The following LYSMD2 variants were observed in gnomAD, a reference collection of about 807,000 sequenced individuals.
LYSMD2 encodes lysM and putative peptidoglycan-binding domain-containing protein 2.
LYSMD2 carries 6 observed loss-of-function variants against 17.7 expected under a neutral mutation model. The ratio of observed to expected loss-of-function variants is 0.34; its 90% CI spans 0.19 to 0.67. The LOEUF (loss-of-function observed/expected upper bound fraction) is 0.67. LYSMD2 is among the 30% of genes least tolerant of loss of function. The pLI is 0.69. For missense variants in LYSMD2, 237 were observed against 286.7 expected (o/e 0.83, Z 1.25); for synonymous variants, 102 against 129.8 (o/e 0.79, Z 1.45).
chr15:51,737,222 C>T lies in LYSMD2; in HGVS notation c.273+128G>A, dbSNP rs1337156444. The T allele has an allele frequency of 1.4e-6, 1 of 695,788 alleles. No individual in the cohort carries two copies. The allele number at this position is 695,788 out of a possible 1,614,324, so 43.1% of individuals were successfully genotyped here. On this transcript the variant is annotated intron_variant, in intron 1 of 2. Coordinates refer to ENST00000267838, the MANE Select transcript of LYSMD2 (RefSeq NM_153374.3). The surrounding 1 kb of genome is among the most constrained non-coding windows in gnomAD (Gnocchi z 4.2). ...GCCGAGCCGCCCGGGGACGCACGGC[C>T]GTCCCTGCGACTCCCCATCCCCCAA... is the stretch of plus-strand genomic sequence containing the variant.
At chr15:51,735,999 A>G (rs892817336) in intron 1 of LYSMD2, among the ~76,000 whole-genome samples, 6 of 152,248 alleles carry the variant, frequency 3.9e-5, no homozygotes, top group Admixed American at 1.3e-4. Context: ...ATCAAAAGTA[A>G]TATCTAGAGG....
chr15:51,728,280 G>A (rs754924874), intron 1 of LYSMD2, among the ~76,000 whole-genome samples: 7 of 151,264 alleles, frequency 4.6e-5, no homozygotes, highest in South Asian at 2.1e-4. Flanking sequence ...TTAGCCAGGC[G>A]TGGTGGCGCA....
At chr15:51,732,065 C>T (rs2055580632) in intron 1 of LYSMD2, among the ~76,000 whole-genome samples, 1 of 152,188 alleles carries the variant, frequency 6.6e-6, no homozygotes, top group Non-Finnish European at 1.5e-5. Context: ...ACTTATATGT[C>T]ATTCCATGTA....
At chr15:51,741,519 C>A (rs1595854083), upstream of LYSMD2, among the ~76,000 whole-genome samples, 1 of 152,304 alleles carries the variant, frequency 6.6e-6, no homozygotes, top group South Asian at 2.1e-4. Context: ...TAATTCAATG[C>A]TTTTCTGCAT....
chr15:51,728,144 T>A (rs1270270877), intron 1 of LYSMD2, among the ~76,000 whole-genome samples: 1 of 152,078 alleles, frequency 6.6e-6, no homozygotes, highest in African/African-American at 2.4e-5. Context: ...TAGAACAACA[T>A]ATGGGCTGGG....
At chr15:51,742,341 A>G (rs906845712), upstream of LYSMD2, among the ~76,000 whole-genome samples, 7 of 152,246 alleles carry the variant, frequency 4.6e-5, no homozygotes, top group Non-Finnish European at 1.0e-4. Context: ...CCATTGAGCA[A>G]TAACCACATT....
intron 1 of LYSMD2, among the ~76,000 whole-genome samples, chr15:51,730,895 T>C (rs556943272): frequency 6.6e-6 from 1 of 152,352 alleles, no homozygotes; most frequent in South Asian, 2.1e-4. Context: ...CTGTCTCCTG[T>C]TACATTCTAG....
At chr15:51,733,313 T>G (rs1157560918) in intron 1 of LYSMD2, among the ~76,000 whole-genome samples, 1 of 151,500 alleles carries the variant, frequency 6.6e-6, no homozygotes, top group African/African-American at 2.4e-5. Context: ...ATTATGCTTA[T>G]CAATATAAGA....
In LYSMD2 at chr15:51,723,555, T is replaced by A. The variant is rs1053828432; in HGVS notation, c.*52A>T. The A allele has an allele frequency of 2.8e-5, 39 of 1,417,558 alleles. No homozygotes were observed. Among genetic ancestry groups the A allele is most frequent in the Middle Eastern group, 1.8e-4 (1 of 5,688 alleles). The allele number at this position is 1,417,558 out of a possible 1,614,324, so 87.8% of individuals were successfully genotyped here. A position where few individuals can be genotyped will look rare whatever the true frequency, so the allele number is the denominator to read the frequency against. ...TTTTGAATCTTCAGTTGTTGGATTC[T>A]TTATGGTCCAAACATATCTTAATTT... On this transcript the variant is annotated 3_prime_UTR_variant, in exon 3 of 3. Coordinates refer to ENST00000267838, the MANE Select transcript of LYSMD2 (RefSeq NM_153374.3).
intron 1 of LYSMD2, among the ~76,000 whole-genome samples, chr15:51,731,902 G>A (rs144268346): frequency 1.3e-5 from 2 of 152,238 alleles, no homozygotes; most frequent in Non-Finnish European, 2.9e-5. Context: ...TCTCAGTGGA[G>A]ATAAACACAC....
At chr15:51,749,491 T>C (rs915607853) in intron 1 of LYSMD2, among the ~76,000 whole-genome samples, 11 of 152,202 alleles carry the variant, frequency 7.2e-5, no homozygotes, top group Admixed American at 7.2e-4. Context: ...CTTAAATCAT[T>C]CCCCTGTCTG....
At chr15:51,740,265 G>A (rs2055636273), upstream of LYSMD2, among the ~76,000 whole-genome samples, 1 of 151,886 alleles carries the variant, frequency 6.6e-6, no homozygotes, top group Admixed American at 6.6e-5. Context: ...GGCCAGGCCT[G>A]TTTTTTTGTT....
chr15:51,739,079 T>C (rs1444947044), upstream of LYSMD2, among the ~76,000 whole-genome samples: 1 of 152,230 alleles, frequency 6.6e-6, no homozygotes, highest in Admixed American at 6.5e-5. Flanking sequence ...TCTCAAATGA[T>C]ACATCCTCCA....
At chr15:51,733,742 C>A (rs1423809030) in intron 1 of LYSMD2, among the ~76,000 whole-genome samples, 1 of 152,172 alleles carries the variant, frequency 6.6e-6, no homozygotes, top group Non-Finnish European at 1.5e-5. Context: ...CCCTTCTAAG[C>A]ATGGGGTCTT....
In LYSMD2 at chr15:51,723,474, T is replaced by G; in HGVS notation, c.*133A>C. Reference sequence around the variant, plus strand: ...ATCACTTCAGTGCAACTGCAGCAGGTAGAACTACCTAGTTATGATTTTAAG... The same window carrying G: ...ATCACTTCAGTGCAACTGCAGCAGGGAGAACTACCTAGTTATGATTTTAAG... On this transcript the variant is annotated 3_prime_UTR_variant, in exon 3 of 3. Coordinates refer to ENST00000267838, the MANE Select transcript of LYSMD2 (RefSeq NM_153374.3). 3 of 738,190 alleles carry G rather than the reference T, an allele frequency of 4.1e-6. No individual in the cohort carries two copies. The Admixed American group carries it at 6.1e-5, about 15-fold the overall frequency. 45.7% of individuals were successfully genotyped at this position (738,190 alleles called of 1,614,324 possible).
upstream of LYSMD2, among the ~76,000 whole-genome samples, chr15:51,738,900 C>T (rs867786203): frequency 6.6e-6 from 1 of 152,192 alleles, no homozygotes; most frequent in African/African-American, 2.4e-5. Context: ...TATTCATGGT[C>T]TGACCATACC....
chr15:51,729,926 T>C (rs2055565972), intron 1 of LYSMD2, among the ~76,000 whole-genome samples: 1 of 152,224 alleles, frequency 6.6e-6, no homozygotes, highest in African/African-American at 2.4e-5. Flanking sequence ...ATCCAATTAA[T>C]GCTGAGACTA....
At position 51,737,271 on chromosome 15, in the gene LYSMD2, CA is replaced by C; in HGVS notation, c.273+78del. On this transcript the variant is annotated intron_variant, in intron 1 of 2. Transcript: ENST00000267838. This position sits in a 1 kb window ranked among gnomAD's most constrained non-coding sequence, Gnocchi z 4.2. ...AAACCCCCACCCGCAGTCCCACCCC[CA>C]CCCCCACCGCACCCCGAGCCGCACC... 1.1e-6 allele frequency: 1 copy of C among 930,968 alleles called. No homozygotes were observed. The highest frequency in any genetic ancestry group is 1.4e-6 in the Non-Finnish European group (1 of 706,624). The allele number at this position is 930,968 out of a possible 1,614,324, so 57.7% of individuals were successfully genotyped here. A position where few individuals can be genotyped will look rare whatever the true frequency, so the allele number is the denominator to read the frequency against.
intron 1 of LYSMD2, among the ~76,000 whole-genome samples, chr15:51,747,845 C>T (rs1242376409): frequency 6.6e-6 from 1 of 152,206 alleles, no homozygotes; most frequent in Non-Finnish European, 1.5e-5. Context: ...CGATTTAATT[C>T]ATAATTCATC....
Sources: allele counts gnomAD v4.1 joint callset (sites outside exome capture counted in the v4.1 genomes callset), GRCh38; gene constraint gnomAD v4.1.1; non-coding constraint Gnocchi (gnomAD v3.1); transcripts MANE v1.5; gene names NCBI Gene and HGNC (gene_info 2026-07-23, HGNC 2026-07-21).